SASH1: variants seen among roughly 807,000 people sequenced by gnomAD.
The protein encoded by SASH1 is SAM and SH3 domain containing 1.
Under a neutral mutation model 125.2 loss-of-function variants are expected in SASH1, and 44 were observed. That is an observed-to-expected ratio of 0.35 (90% confidence interval 0.28 to 0.45). The LOEUF (loss-of-function observed/expected upper bound fraction) is 0.45. SASH1 is among the 20% of genes least tolerant of loss of function. The probability of loss-of-function intolerance (pLI) is 1.00; values close to 1 mark genes in which losing one functional copy is unlikely to be tolerated. For missense variants in SASH1, 1,426 were observed against 1,614.5 expected, an observed-to-expected ratio of 0.88 and a Z score of 2.00; for synonymous variants, 639 against 649.1, an observed-to-expected ratio of 0.98 and a Z score of 0.24.
chr6:148,314,327 C>T (rs1367629695), intron 1 of SASH1, among the ~76,000 whole-genome samples: 2 of 152,174 alleles, frequency 1.3e-5, no homozygotes, highest in African/African-American at 2.4e-5. Flanking sequence ...AATCAGAATA[C>T]TTTTGTTTAT....
At position 148,421,948 on chromosome 6, in the gene SASH1, C is replaced by A. The variant is rs571151413; in HGVS notation, c.286-18236C>A. 1.1e-4 allele frequency among the ~76,000 whole-genome samples: 16 copies of A among 152,190 alleles called. No homozygotes were observed. The South Asian group carries it at 3.1e-3, about 30-fold the overall frequency. ...TTATCAGCACTTTTTATATAGTGAG[C>A]CATTTAGTCCATTATCATAATGTGG... On this transcript the variant is annotated intron_variant, in intron 2 of 19. Transcript: ENST00000367467.
chr6:148,415,692 C>T (rs1784792314), intron 2 of SASH1, among the ~76,000 whole-genome samples: 2 of 152,098 alleles, frequency 1.3e-5, no homozygotes, highest in Non-Finnish European at 2.9e-5. Flanking sequence ...TAGCAATCAC[C>T]TGAGAGCCAG....
intron 1 of SASH1, among the ~76,000 whole-genome samples, chr6:148,288,651 A>G (rs931140472): frequency 1.3e-5 from 2 of 150,310 alleles, no homozygotes; most frequent in African/African-American, 4.9e-5. Context: ...CGCCAGCACT[A>G]GAGCCATCAC....
chr6:148,411,550 TA>T (rs1409477711), intron 2 of SASH1, among the ~76,000 whole-genome samples: 1 of 152,180 alleles, frequency 6.6e-6, no homozygotes, highest in African/African-American at 2.4e-5. Context: ...TTATTAGTGT[TA>T]TTTTTTTTTT....
At chr6:148,438,990 T>C (rs1213317694) in intron 2 of SASH1, among the ~76,000 whole-genome samples, 5 of 152,230 alleles carry the variant, frequency 3.3e-5, no homozygotes, top group African/African-American at 4.8e-5. Flanking sequence ...ACTTTATTGC[T>C]ACTTTTATAC....
Position 148,519,510 on chromosome 6 carries a change from G to T in SASH1, c.863-37G>T, listed in dbSNP as rs1780663118. The T allele has an allele frequency of 6.7e-7, 1 of 1,482,308 alleles. No homozygotes were observed. The allele number at this position is 1,482,308 out of a possible 1,614,324, so 91.8% of individuals were successfully genotyped here. On this transcript the variant is annotated intron_variant, in intron 9 of 19. Coordinates refer to ENST00000367467, the MANE Select transcript of SASH1 (RefSeq NM_015278.5). This position sits in a 1 kb window ranked among gnomAD's most constrained non-coding sequence, Gnocchi z 4.8. ...AGAAAGATGTATGCAAGAATGCAAA[G>T]GTGTGTTCACAAGAGACTCTGTTGG...
chr6:148,229,133 C>CAAAAA, the SASH1 span, among the ~76,000 whole-genome samples: 170 of 60,760 alleles, frequency 2.8e-3, 1 homozygote, highest in African/African-American at 7.6e-3. Flanking sequence ...GACTCCATCT[C>CAAAAA]AAAAAAAAAA....
At chr6:148,485,752 T>C (rs1327445868) in intron 7 of SASH1, among the ~76,000 whole-genome samples, 1 of 152,218 alleles carries the variant, frequency 6.6e-6, no homozygotes, top group African/African-American at 2.4e-5. Flanking sequence ...AAGTGGCTTT[T>C]TCCTGGAGCA....
intron 1 of SASH1, among the ~76,000 whole-genome samples, chr6:148,362,547 T>C (rs1438816202): frequency 6.6e-6 from 1 of 151,138 alleles, no homozygotes; most frequent in Non-Finnish European, 1.5e-5. Flanking sequence ...TTTACTATTA[T>C]ATGCCTTTTT....
chr6:148,288,405 C>T (rs1371054312), intron 1 of SASH1, among the ~76,000 whole-genome samples: 1 of 152,164 alleles, frequency 6.6e-6, no homozygotes, highest in Non-Finnish European at 1.5e-5. Flanking sequence ...AAACAGCCCC[C>T]AGATGTCTGT....
chr6:148,486,590 A>G (rs188954839), intron 7 of SASH1, among the ~76,000 whole-genome samples: 2 of 152,010 alleles, frequency 1.3e-5, no homozygotes, highest in Admixed American at 1.3e-4. Context: ...ACTTGAAGCC[A>G]TTTTGAACAA....
At chr6:148,439,208 A>G (rs935425301) in intron 2 of SASH1, among the ~76,000 whole-genome samples, 2 of 152,168 alleles carry the variant, frequency 1.3e-5, no homozygotes, top group Admixed American at 1.3e-4. Context: ...GTGTTACACC[A>G]TATGGTTTTA....
chr6:148,206,832 A>AC, the SASH1 span, among the ~76,000 whole-genome samples: 203 of 84,662 alleles, frequency 2.4e-3, 1 homozygote, highest in Middle Eastern at 0.02. Context: ...CACACACACA[A>AC]ATTAACATAA....
At chr6:148,413,599 C>T (rs1784708545) in intron 2 of SASH1, among the ~76,000 whole-genome samples, 1 of 152,198 alleles carries the variant, frequency 6.6e-6, no homozygotes, top group Admixed American at 6.5e-5. Flanking sequence ...CATCCAGGCT[C>T]ATTCGTCATT....
At position 148,488,966 on chromosome 6, in the gene SASH1, T is replaced by A. The variant is rs199754260; in HGVS notation, c.729+1251T>A. Among the ~76,000 whole-genome samples the A allele has an allele frequency of 1.5e-4, 23 of 152,352 alleles. No homozygotes were observed. The East Asian group carries it at 4.2e-3, about 28-fold the overall frequency. On this transcript the variant is annotated intron_variant, in intron 8 of 19. Coordinates refer to ENST00000367467, the MANE Select transcript of SASH1 (RefSeq NM_015278.5). Reference sequence around the variant, plus strand: ...ATAGTGTCCTTGATGCACACACTTTTAAATTTTGAAATCTAGTGTGTCTAT... The same window carrying A: ...ATAGTGTCCTTGATGCACACACTTTAAAATTTTGAAATCTAGTGTGTCTAT...
At chr6:148,427,318 A>G (rs1401579351) in intron 2 of SASH1, among the ~76,000 whole-genome samples, 1 of 152,158 alleles carries the variant, frequency 6.6e-6, no homozygotes, top group African/African-American at 2.4e-5. Context: ...CTGCTAGTAG[A>G]ATGAAAAATT....
intron 16 of SASH1, among the ~76,000 whole-genome samples, chr6:148,538,481 C>T (rs757518191): frequency 3.9e-5 from 6 of 152,182 alleles, no homozygotes; most frequent in Admixed American, 6.5e-5. Flanking sequence ...GTGAGGACAC[C>T]GCTCTAGAAT....
chr6:148,329,731 G>GTA (rs1780936411), intron 1 of SASH1, among the ~76,000 whole-genome samples: 2 of 152,172 alleles, frequency 1.3e-5, no homozygotes, highest in African/African-American at 4.8e-5. Flanking sequence ...CAACAGGGGC[G>GTA]AGTCCCTATG....
chr6:148,305,999 T>G (rs993012639), intron 1 of SASH1, among the ~76,000 whole-genome samples: 2 of 152,200 alleles, frequency 1.3e-5, no homozygotes, highest in Non-Finnish European at 2.9e-5. Context: ...ATTATATGCT[T>G]GTATCAAAAT....
Sources: gnomAD v4.1 joint callset for allele counts (sites outside exome capture counted in the v4.1 genomes callset) on GRCh38, gnomAD v4.1.1 for gene constraint, Gnocchi (gnomAD v3.1) non-coding constraint, MANE v1.5 for transcripts, NCBI Gene and HGNC (gene_info 2026-07-23, HGNC 2026-07-21) for gene names.